PPA2: variants seen among roughly 807,000 people sequenced by gnomAD.
PPA2 encodes inorganic pyrophosphatase 2, also known as inorganic pyrophosphatase 2, mitochondrial.
Under a neutral mutation model 49.5 loss-of-function variants are expected in PPA2, and 48 were observed. That is an observed-to-expected ratio of 0.97 (90% CI 0.77 to 1.23). The LOEUF (loss-of-function observed/expected upper bound fraction) is 1.23, where lower values mean the gene tolerates loss of function less well. PPA2 is among the 50% of genes most tolerant of loss of function. The pLI is 0.00. For missense variants in PPA2, 429 were observed against 410.1 expected (o/e 1.05, Z -0.40); for synonymous variants, 131 against 139.9 (o/e 0.94, Z 0.45).
At chr4:105,378,117 T>C (rs1213829665) in intron 10 of PPA2, among the ~76,000 whole-genome samples, 1 of 152,152 alleles carries the variant, frequency 6.6e-6, no homozygotes, top group Non-Finnish European at 1.5e-5. Flanking sequence ...TTCAAGAAAA[T>C]ACCAAAATGT....
intron 1 of PPA2, among the ~76,000 whole-genome samples, chr4:105,457,042 TA>T (rs771441019): frequency 5.4e-4 from 79 of 145,412 alleles, no homozygotes; most frequent in Admixed American, 6.8e-4. Flanking sequence ...AAATACATAT[TA>T]AAAAAAAAAA....
chr4:105,369,710 T>A lies in PPA2; in HGVS notation c.*15A>T. 1 of 1,575,426 alleles carries A rather than the reference T, an allele frequency of 6.3e-7. No individual in the cohort carries two copies. On this transcript the variant is annotated 3_prime_UTR_variant, in exon 12 of 12. Coordinates refer to ENST00000341695, the MANE Select transcript of PPA2 (RefSeq NM_176869.3). ...AGAGATGGGAATCTTGACAGCAGAA[T>A]TTCAGATGTTTCAATCACTTGCCAA...
At chr4:105,401,416 A>AT (rs1000374686) in intron 7 of PPA2, among the ~76,000 whole-genome samples, 1 of 151,972 alleles carries the variant, frequency 6.6e-6, no homozygotes, top group Non-Finnish European at 1.5e-5. Flanking sequence ...GTAAAGATGT[A>AT]TTTTTTCAGT....
chr4:105,449,484 C>A, intron 3 of PPA2, 81 bp from the exon 4 acceptor site: 1 of 805,874 alleles, frequency 1.2e-6, no homozygotes, highest in East Asian at 2.8e-5. Flanking sequence ...ATAAGAATAC[C>A]TTAGATGTTT....
chr4:105,439,474 C>T (rs1724233351), intron 5 of PPA2, among the ~76,000 whole-genome samples: 1 of 152,060 alleles, frequency 6.6e-6, no homozygotes, highest in Non-Finnish European at 1.5e-5. Flanking sequence ...CCCGTTACTG[C>T]TTCTTTTTTT....
intron 9 of PPA2, among the ~76,000 whole-genome samples, chr4:105,389,132 T>G (rs1459050039): frequency 6.6e-6 from 1 of 152,196 alleles, no homozygotes; most frequent in Non-Finnish European, 1.5e-5. Context: ...TTATTTGTAC[T>G]TTGAATGTTT....
chr4:105,437,011 A>C (rs74901424), intron 6 of PPA2, among the ~76,000 whole-genome samples: 292 of 152,324 alleles, frequency 1.9e-3, no homozygotes, highest in Non-Finnish European at 3.4e-3. Flanking sequence ...AGCAAAAGAA[A>C]TAATCAACAA....
At chr4:105,435,373 C>T (rs1724000894) in intron 6 of PPA2, among the ~76,000 whole-genome samples, 1 of 152,066 alleles carries the variant, frequency 6.6e-6, no homozygotes. Flanking sequence ...ATGTTTTTCA[C>T]CCAGATACAA....
intron 1 of PPA2, among the ~76,000 whole-genome samples, chr4:105,469,133 A>G (rs1387644308): frequency 6.6e-6 from 1 of 152,114 alleles, no homozygotes; most frequent in Non-Finnish European, 1.5e-5. Context: ...CTATCACTTT[A>G]ATAGGATATT....
At chr4:105,463,355 T>C (rs1307410412) in intron 1 of PPA2, among the ~76,000 whole-genome samples, 3 of 152,128 alleles carry the variant, frequency 2.0e-5, no homozygotes, top group Non-Finnish European at 4.4e-5. Flanking sequence ...TTAGGGTATC[T>C]AGTGGAGGAA....
intron 6 of PPA2, among the ~76,000 whole-genome samples, chr4:105,432,312 T>C (rs1184179944): frequency 2.0e-5 from 3 of 152,312 alleles, no homozygotes; most frequent in Non-Finnish European, 2.9e-5. Flanking sequence ...AACTACAAAA[T>C]TGATCAGATA....
At chr4:105,420,733 G>A (rs2110264958) in intron 7 of PPA2, among the ~76,000 whole-genome samples, 1 of 152,226 alleles carries the variant, frequency 6.6e-6, no homozygotes, top group East Asian at 1.9e-4. Context: ...AGCCAACAAT[G>A]AAAAGGGAAA....
intron 1 of PPA2, among the ~76,000 whole-genome samples, chr4:105,466,577 G>A (rs954082640): frequency 2.6e-5 from 4 of 152,160 alleles, no homozygotes; most frequent in Non-Finnish European, 5.9e-5. Context: ...GAAGGCAGAA[G>A]GAGAGGCTGA....
chr4:105,458,818 C>CCA (rs71584301), intron 1 of PPA2, among the ~76,000 whole-genome samples: 5 of 31,512 alleles, frequency 1.6e-4, no homozygotes, highest in Admixed American at 4.6e-4. Flanking sequence ...ACTCCACCTC[C>CCA]AAAAAAAAAA....
intron 7 of PPA2, among the ~76,000 whole-genome samples, chr4:105,422,695 AGGT>A (rs1723306913): frequency 6.6e-6 from 1 of 152,194 alleles, no homozygotes; most frequent in African/African-American, 2.4e-5. Flanking sequence ...ATGTTTGCAA[AGGT>A]GGGCAAGTCA....
intron 1 of PPA2, among the ~76,000 whole-genome samples, chr4:105,472,824 T>C (rs1723579464): frequency 6.6e-6 from 1 of 152,226 alleles, no homozygotes; most frequent in Middle Eastern, 3.2e-3. Context: ...TCTATAATGA[T>C]TATCGGTATT....
chr4:105,379,395 A>G (rs1733383299), intron 10 of PPA2, among the ~76,000 whole-genome samples: 1 of 151,500 alleles, frequency 6.6e-6, no homozygotes, highest in African/African-American at 2.4e-5. Flanking sequence ...GTGTATATAT[A>G]TATCTATATG....
At chr4:105,433,811 G>C (rs1341481235) in intron 6 of PPA2, among the ~76,000 whole-genome samples, 1 of 152,102 alleles carries the variant, frequency 6.6e-6, no homozygotes, top group East Asian at 1.9e-4. Context: ...AGATTCTCAA[G>C]CCCAAAAGGA....
At chr4:105,424,101 G>T in intron 7 of PPA2, 95 bp downstream of exon 7, 1 of 1,279,422 alleles carries the variant, frequency 7.8e-7, no homozygotes, top group Non-Finnish European at 1.1e-6. Flanking sequence ...TTTTTAAAAA[G>T]TACATTTAAC....
Sources: allele counts gnomAD v4.1 joint callset (sites outside exome capture counted in the v4.1 genomes callset), GRCh38; gene constraint gnomAD v4.1.1; transcripts MANE v1.5; gene names NCBI Gene and HGNC (gene_info 2026-07-23, HGNC 2026-07-21).